Variants in TRIM71 observed in about 807,000 individuals in gnomAD.
TRIM71 encodes the protein tripartite motif containing 71, also known as E3 ubiquitin-protein ligase TRIM71.
TRIM71 carries 9 observed loss-of-function variants against 61.2 expected under a neutral mutation model. The observed-to-expected ratio is 0.15, with a 90% CI of 0.09 to 0.26. The LOEUF is 0.26. TRIM71 is among the 10% of genes least tolerant of loss of function. The probability of loss-of-function intolerance (pLI) is 1.00; values close to 1 mark genes in which losing one functional copy is unlikely to be tolerated. For missense variants in TRIM71, 998 were observed against 1,238.7 expected, an observed-to-expected ratio of 0.81 and a Z score of 2.92; for synonymous variants, 645 against 553.2, an observed-to-expected ratio of 1.17 and a Z score of -2.33.
intron 1 of TRIM71, among the ~76,000 whole-genome samples, chr3:32,851,121 A>G (rs2125682034): frequency 6.6e-6 from 1 of 152,254 alleles, no homozygotes; most frequent in South Asian, 2.1e-4. Context: ...CAGCTTACAC[A>G]TTTTAAAACC....
intron 2 of TRIM71, among the ~76,000 whole-genome samples, chr3:32,881,963 A>G (rs1364985984): frequency 6.6e-6 from 1 of 152,214 alleles, no homozygotes; most frequent in African/African-American, 2.4e-5. Flanking sequence ...TTGCAACAAA[A>G]GCTTTGAATC....
chr3:32,891,702 C>T lies in TRIM71; in HGVS notation c.2498C>T (p.Ala833Val). The T allele has an allele frequency of 6.2e-7, 1 of 1,614,104 alleles. No individual in the cohort carries two copies. Among genetic ancestry groups the T allele is most frequent in the Non-Finnish European group, 8.5e-7 (1 of 1,180,000 alleles). The change falls in exon 4 of 4, where the codon GCT becomes GTT. Residue 833 changes from alanine to valine, a missense_variant. By Grantham distance (64) the Ala-to-Val change is moderately conservative. Coordinates refer to ENST00000383763, the MANE Select transcript of TRIM71 (RefSeq NM_001039111.3). The surrounding 1 kb of genome is among the most constrained non-coding windows in gnomAD (Gnocchi z 8.2). Reference protein sequence around the residue: ...SNGSFLCKFGAQGSGFGQMDR... With the variant: ...SNGSFLCKFGVQGSGFGQMDR... ...GGCAGCTTCCTGTGCAAGTTTGGTG[C>T]TCAAGGCAGCGGCTTTGGGCAGATG...
chr3:32,841,339 A>G (rs1355099278), intron 1 of TRIM71, among the ~76,000 whole-genome samples: 3 of 151,986 alleles, frequency 2.0e-5, no homozygotes, highest in Non-Finnish European at 2.9e-5. Flanking sequence ...ATATTATACT[A>G]TTGTTTTGGG....
At position 32,896,633 on chromosome 3, in the gene TRIM71, C is replaced by G. The variant is rs964755178; in HGVS notation, c.*4822C>G. On this transcript the variant is annotated 3_prime_UTR_variant, in exon 4 of 4. Coordinates refer to ENST00000383763, the MANE Select transcript of TRIM71 (RefSeq NM_001039111.3). ...TGGTGAAGAAATACCTCAATGATGT[C>G]TATTTTTAAAACTGATCTTACGGGT... 2 of 152,146 alleles carry G rather than the reference C, an allele frequency of 1.3e-5. No individual in the cohort carries two copies. Among genetic ancestry groups the G allele is most frequent in the Non-Finnish European group, 2.9e-5 (2 of 68,024 alleles). 9.4% of individuals were successfully genotyped at this position (152,146 alleles called of 1,614,324 possible).
intron 2 of TRIM71, among the ~76,000 whole-genome samples, chr3:32,883,173 C>G (rs887821554): frequency 6.6e-6 from 1 of 152,194 alleles, no homozygotes; most frequent in Non-Finnish European, 1.5e-5. Flanking sequence ...GCGTGAGATA[C>G]TAAAAATGTA....
chr3:32,872,983 G>T (rs1696811477), intron 1 of TRIM71, among the ~76,000 whole-genome samples: 1 of 152,082 alleles, frequency 6.6e-6, no homozygotes, highest in Admixed American at 6.5e-5. Context: ...GACTGGCCCA[G>T]TTTCTATGCC....
intron 2 of TRIM71, among the ~76,000 whole-genome samples, chr3:32,884,529 C>T (rs1406769256): frequency 8.4e-6 from 1 of 119,564 alleles, no homozygotes; most frequent in Non-Finnish European, 1.7e-5. Context: ...AAGATTCCCC[C>T]ATCTCTATTT....
intron 2 of TRIM71, among the ~76,000 whole-genome samples, chr3:32,884,933 TG>T (rs1456600956): frequency 2.0e-5 from 3 of 152,158 alleles, no homozygotes; most frequent in Non-Finnish European, 4.4e-5. Flanking sequence ...ACCAGGAGCT[TG>T]TCCAAGGCCT....
rs185352278 is a variant in TRIM71 at position 32,879,881 on chromosome 3, A to C, written c.1020+5896A>C. ...CCCAGCTACTCGGGAGGATTGCTTG[A>C]GGCCTGGAGGTTGAGGTTGCAGTGA... On this transcript the variant is annotated intron_variant, in intron 2 of 3. Coordinates refer to ENST00000383763, the MANE Select transcript of TRIM71 (RefSeq NM_001039111.3). Among the ~76,000 whole-genome samples, 443 of 151,824 alleles carry C rather than the reference A, an allele frequency of 2.9e-3. 3 individuals are homozygous for C. The highest frequency in any genetic ancestry group is 3.1e-3 in the Non-Finnish European group (208 of 67,928).
chr3:32,854,945 G>A (rs1188092175), intron 1 of TRIM71, among the ~76,000 whole-genome samples: 3 of 152,144 alleles, frequency 2.0e-5, no homozygotes, highest in Non-Finnish European at 4.4e-5. Context: ...AAAGAGGTGA[G>A]TGCAGCACAC....
At position 32,873,974 on chromosome 3, in the gene TRIM71, C is replaced by G. The variant is rs764984257; in HGVS notation, c.1009C>G (p.Gln337Glu). Residue 337 changes from glutamine to glutamate, a missense_variant, in exon 2 of 4, where the codon CAG becomes GAG. Gln to Glu is a conservative substitution (Grantham distance 29). Coordinates refer to ENST00000383763, the MANE Select transcript of TRIM71 (RefSeq NM_001039111.3). ...GCTGGCAGATGCCCAGCAGGGACGA[C>G]AGGCAATCCAGGTGAGCCTTCCCTG... ...QLLADAQQGR[Q>E]AIQLSIEQAQ... is the part of the protein sequence containing the mutation. 1 of 1,608,902 alleles carries G rather than the reference C, an allele frequency of 6.2e-7. No individual in the cohort carries two copies. The highest frequency in any genetic ancestry group is 8.5e-7 in the Non-Finnish European group (1 of 1,177,922).
intron 1 of TRIM71, among the ~76,000 whole-genome samples, chr3:32,865,523 C>T (rs114512199): frequency 0.017 from 2,576 of 152,210 alleles, 63 homozygotes; most frequent in East Asian, 0.12. Flanking sequence ...CAAAACTGGT[C>T]GAAGGCGTTT....
At position 32,893,981 on chromosome 3, in the gene TRIM71, A is replaced by G. The variant is rs1391131993; in HGVS notation, c.*2170A>G. Reference sequence around the variant, plus strand: ...TTACAGGGTGGGAAGGTGTTAGGAAATGTTGTTTGTTAGAAGCTCCTTTTA... The same window carrying G: ...TTACAGGGTGGGAAGGTGTTAGGAAGTGTTGTTTGTTAGAAGCTCCTTTTA... On this transcript the variant is annotated 3_prime_UTR_variant, in exon 4 of 4. Coordinates refer to ENST00000383763, the MANE Select transcript of TRIM71 (RefSeq NM_001039111.3). The G allele has an allele frequency of 6.6e-6, 1 of 152,174 alleles. No individual in the cohort carries two copies. Among genetic ancestry groups the G allele is most frequent in the Non-Finnish European group, 1.5e-5 (1 of 68,040 alleles). The allele number at this position is 152,174 out of a possible 1,614,324, so 9.4% of individuals were successfully genotyped here. A position where few individuals can be genotyped will look rare whatever the true frequency, so the allele number is the denominator to read the frequency against.
At chr3:32,872,684 GGT>G (rs1430784366) in intron 1 of TRIM71, among the ~76,000 whole-genome samples, 1 of 152,152 alleles carries the variant, frequency 6.6e-6, no homozygotes, top group Non-Finnish European at 1.5e-5. Flanking sequence ...TGAGAGAGCT[GGT>G]GTCATACCTG....
chr3:32,887,469 A>C (rs1575360854), intron 3 of TRIM71, among the ~76,000 whole-genome samples: 1 of 140,036 alleles, frequency 7.1e-6, no homozygotes, highest in Non-Finnish European at 1.5e-5. Context: ...TCTCTCTTTG[A>C]CTAATTACTG....
chr3:32,872,483 CCT>C (rs1696807162), intron 1 of TRIM71, among the ~76,000 whole-genome samples: 1 of 152,150 alleles, frequency 6.6e-6, no homozygotes, highest in Non-Finnish European at 1.5e-5. Flanking sequence ...TGCCCCCAGC[CCT>C]CTCTTTTTGG....
At chr3:32,851,381 C>T (rs1401812527) in intron 1 of TRIM71, among the ~76,000 whole-genome samples, 1 of 152,250 alleles carries the variant, frequency 6.6e-6, no homozygotes, top group Admixed American at 6.5e-5. Flanking sequence ...CTCTCCTTAA[C>T]TGAATCCACC....
At chr3:32,868,063 C>A (rs1696758246) in intron 1 of TRIM71, among the ~76,000 whole-genome samples, 1 of 152,148 alleles carries the variant, frequency 6.6e-6, no homozygotes, top group South Asian at 2.1e-4. Context: ...AAGACTTTTT[C>A]TTTCCTTGGA....
intron 1 of TRIM71, among the ~76,000 whole-genome samples, chr3:32,827,610 G>C (rs1339376099): frequency 1.3e-5 from 2 of 152,196 alleles, no homozygotes; most frequent in South Asian, 4.1e-4. Context: ...AGCTTCTGCA[G>C]AATAGCACAT....
Sources: gnomAD v4.1 joint callset for allele counts (sites outside exome capture counted in the v4.1 genomes callset) on GRCh38, gnomAD v4.1.1 for gene constraint, Gnocchi (gnomAD v3.1) non-coding constraint, MANE v1.5 for transcripts, NCBI Gene and HGNC (gene_info 2026-07-23, HGNC 2026-07-21) for gene names.